The following RDH12 variants were observed in gnomAD, a reference collection of about 807,000 sequenced individuals.
RDH12 encodes retinol dehydrogenase 12.
Under a neutral mutation model 34.0 loss-of-function variants are expected in RDH12, and 21 were observed. That is an observed-to-expected ratio of 0.62 (90% CI 0.44 to 0.89). The LOEUF is 0.89. RDH12 is among the 40% of genes least tolerant of loss of function. The pLI is 0.00. For synonymous variants in RDH12, 198 were observed against 169.9 expected (o/e 1.17, Z -1.29); for missense variants, 394 against 398.6 (o/e 0.99, Z 0.10).
chr14:67,733,766 T>G lies in RDH12; in HGVS notation c.869T>G (p.Val290Gly), dbSNP rs61740289. 5.1e-5 allele frequency: 83 copies of G among 1,613,184 alleles called. No homozygotes were observed. The African/African-American group carries it at 1.0e-3, about 20-fold the overall frequency. Reference protein sequence around the residue: ...KYFSDCKRTWVSPRARNNKTA... With the variant: ...KYFSDCKRTWGSPRARNNKTA... ...TCCAGTGACTGCAAGAGGACCTGGG[T>G]GTCTCCAAGGGCCCGAAATAACAAA... The change falls in exon 9 of 9, where the codon GTG becomes GGG. Residue 290 changes from valine (V) to glycine (G), a missense_variant. Transcript: ENST00000551171.
At chr14:67,707,376 G>C (rs978136938) in intron 1 of RDH12, among the ~76,000 whole-genome samples, 1 of 152,122 alleles carries the variant, frequency 6.6e-6, no homozygotes, top group African/African-American at 2.4e-5. Flanking sequence ...ATTATGGTAG[G>C]ACTTGTTTGC....
intron 1 of RDH12, among the ~76,000 whole-genome samples, chr14:67,712,248 CT>C (rs80050581): frequency 0.12 from 18,824 of 152,110 alleles, 1,199 homozygotes; most frequent in Admixed American, 0.15. Flanking sequence ...AACTGGATCT[CT>C]GAGCTCTGGG....
chr14:67,709,879 C>T (rs1434435567), intron 1 of RDH12, among the ~76,000 whole-genome samples: 1 of 152,170 alleles, frequency 6.6e-6, no homozygotes, highest in Non-Finnish European at 1.5e-5. Context: ...CTAAGGAAAT[C>T]TCAAGCTGGA....
intron 1 of RDH12, among the ~76,000 whole-genome samples, chr14:67,709,941 A>T (rs1401538496): frequency 3.3e-5 from 5 of 152,206 alleles, no homozygotes; most frequent in Admixed American, 2.0e-4. Context: ...TCCTCTGCTC[A>T]CTGAGATAGA....
intron 1 of RDH12, chr14:67,706,004 G>A (rs2037946690): frequency 6.6e-6 from 1 of 152,220 alleles, no homozygotes; most frequent in African/African-American, 2.4e-5. Context: ...GGAGGATGAG[G>A]TAGAAAGATC....
chr14:67,702,515 A>G (rs1214127301), intron 1 of RDH12, among the ~76,000 whole-genome samples: 1 of 152,210 alleles, frequency 6.6e-6, no homozygotes, highest in East Asian at 1.9e-4. Flanking sequence ...CTGACCCTGT[A>G]AAATATTTAA....
At position 67,727,606 on chromosome 14, in the gene RDH12, T is replaced by C. The variant is rs1331211688; in HGVS notation, c.658+416T>C. 4.1e-5 allele frequency: 10 copies of C among 245,974 alleles called. No individual in the cohort carries two copies. The East Asian group carries it at 1.2e-3, about 29-fold the overall frequency. 15.2% of individuals were successfully genotyped at this position (245,974 alleles called of 1,614,324 possible). ...CAAGTGATTCTCCTGCATCAGCCTC[T>C]TGAGTAGTTGGGATTACAAGCACGC... is the stretch of plus-strand genomic sequence containing the variant. On this transcript the variant is annotated intron_variant, in intron 7 of 8. Coordinates refer to ENST00000551171, the MANE Select transcript of RDH12 (RefSeq NM_152443.3).
Position 67,725,141 on chromosome 14 carries a change from A to G in RDH12, c.230A>G (p.Glu77Gly). 1.2e-6 allele frequency: 2 copies of G among 1,614,042 alleles called. No individual in the cohort carries two copies. The highest frequency in any genetic ancestry group is 8.5e-7 in the Non-Finnish European group (1 of 1,179,994). ...GCCTGCAGAGATGTACTGAAGGGGG[A>G]GTCTGCTGCCAGTGAAATCCGAGTG... The part of the protein sequence containing the change: ...YIACRDVLKG[E>G]SAASEIRVDT... The change falls in exon 5 of 9, where the codon GAG (glutamate) becomes GGG (glycine). Residue 77 changes from glutamate to glycine, a missense_variant. Glu to Gly is a moderately conservative substitution (Grantham distance 98). Coordinates refer to ENST00000551171, the MANE Select transcript of RDH12 (RefSeq NM_152443.3).
chr14:67,720,619 A>T (rs1292911165), intron 1 of RDH12, among the ~76,000 whole-genome samples: 5 of 152,166 alleles, frequency 3.3e-5, no homozygotes, highest in African/African-American at 1.2e-4. Flanking sequence ...TCATATCTAA[A>T]TGCCCATGTG....
chr14:67,701,923 G>C lies in RDH12; in HGVS notation c.-287G>C, dbSNP rs962070552. 1 of 152,000 alleles carries C rather than the reference G, an allele frequency of 6.6e-6. No homozygotes were observed. The highest frequency in any genetic ancestry group is 2.4e-5 in the African/African-American group (1 of 41,336). 9.4% of individuals were successfully genotyped at this position (152,000 alleles called of 1,614,324 possible). A position where few individuals can be genotyped will look rare whatever the true frequency, so the allele number is the denominator to read the frequency against. On this transcript the variant is annotated 5_prime_UTR_variant, in exon 1 of 9. Transcript: ENST00000551171. ...TCCTCCCTTCTCAGCTTCCTGAGTG[G>C]CCAGGACTACAGGTAAGTGCCACCA... is the stretch of plus-strand genomic sequence containing the variant.
chr14:67,725,992 T>C, intron 5 of RDH12, 59 bp from the exon 6 acceptor site: 4 of 1,153,636 alleles, frequency 3.5e-6, no homozygotes, highest in Non-Finnish European at 5.3e-6. Flanking sequence ...TGCAGGTCTG[T>C]TACAGGCAGC....
rs898825354 is a variant in RDH12, at chr14:67,726,276, A to G, written c.448+121A>G. 2.4e-5 allele frequency: 18 copies of G among 740,414 alleles called. No homozygotes were observed. The Admixed American group carries it at 2.7e-4, about 11-fold the overall frequency. 45.9% of individuals were successfully genotyped at this position (740,414 alleles called of 1,614,324 possible). ...TCATAGAGCCTAGGAATTCCAATAG[A>G]CTAGACCCATTGGCTTGTTGTTCAC... On this transcript the variant is annotated intron_variant, in intron 6 of 8. Coordinates refer to ENST00000551171, the MANE Select transcript of RDH12 (RefSeq NM_152443.3).
chr14:67,703,990 A>T (rs1406508560), intron 1 of RDH12, among the ~76,000 whole-genome samples: 1 of 152,192 alleles, frequency 6.6e-6, no homozygotes, highest in Non-Finnish European at 1.5e-5. Flanking sequence ...GCATGTCTTA[A>T]TGTTTGAGAA....
chr14:67,733,207 C>G (rs1273280591), intron 8 of RDH12, among the ~76,000 whole-genome samples: 1 of 152,138 alleles, frequency 6.6e-6, no homozygotes, highest in Non-Finnish European at 1.5e-5. Context: ...CTCAGGGCCC[C>G]TGCTCATTCC....
chr14:67,725,104 C>T lies in RDH12; in HGVS notation c.193C>T (p.Arg65Ter), dbSNP rs778571042. 8.7e-6 allele frequency: 14 copies of T among 1,613,984 alleles called. No individual in the cohort carries two copies. Among genetic ancestry groups the T allele is most frequent in the African/African-American group, 2.7e-5 (2 of 74,868 alleles). ...TTTTTTTGTCTTGGACCCAGGAGCCCGAGTCTATATTGCCTGCAGAGATGT... is the reference window on the plus strand; with the variant it reads ...TTTTTTTGTCTTGGACCCAGGAGCCTGAGTCTATATTGCCTGCAGAGATGT... ...TARELASRGA[R>*]VYIACRDVLK... The change falls in exon 5 of 9, where the codon CGA becomes TGA. Residue 65 changes from arginine to a stop codon, truncating the protein, a stop_gained. Coordinates refer to ENST00000551171, the MANE Select transcript of RDH12 (RefSeq NM_152443.3). LOFTEE classifies it high-confidence loss of function.
Position 67,729,232 on chromosome 14 carries a change from C to A in RDH12, c.700C>A (p.Arg234Ser). Residue 234 changes from arginine to serine, a missense_variant, in exon 8 of 9, where the codon CGC becomes AGC. Physicochemically the swap from Arg to Ser is moderately radical, Grantham distance 110 (BLOSUM62 -1). Transcript: ENST00000551171. Reference protein sequence around the residue: ...TTYAVHPGVVRSELVRHSSLL... With the variant: ...TTYAVHPGVVSSELVRHSSLL... Reference sequence around the variant, plus strand: ...CTACGCAGTGCACCCAGGCGTCGTCCGCTCTGAGCTGGTCCGGCACTCCTC... The same window carrying A: ...CTACGCAGTGCACCCAGGCGTCGTCAGCTCTGAGCTGGTCCGGCACTCCTC... 5 of 1,611,396 alleles carry A rather than the reference C, an allele frequency of 3.1e-6. No individual in the cohort carries two copies. Among genetic ancestry groups the A allele is most frequent in the Non-Finnish European group, 3.4e-6 (4 of 1,180,008 alleles).
chr14:67,720,290 CTT>C (rs3039648), intron 1 of RDH12, among the ~76,000 whole-genome samples: 14,058 of 152,174 alleles, frequency 0.092, 668 homozygotes, highest in Middle Eastern at 0.2. Flanking sequence ...CAATTAGTCT[CTT>C]GTCTTCAAAG....
chr14:67,722,774 A>C, intron 3 of RDH12, 64 bp downstream of exon 3: 3 of 1,323,306 alleles, frequency 2.3e-6, no homozygotes, highest in African/African-American at 1.4e-5. Context: ...GCCGGTTCTC[A>C]GCTGCTGAAA....
chr14:67,726,786 C>T (rs1187292690), intron 6 of RDH12, among the ~76,000 whole-genome samples, 195 bp from the exon 7 acceptor site: 1 of 152,198 alleles, frequency 6.6e-6, no homozygotes, highest in Non-Finnish European at 1.5e-5. Context: ...GATTGCCTTA[C>T]TTGTAGTCTA....
Sources: gnomAD v4.1 joint callset for allele counts (sites outside exome capture counted in the v4.1 genomes callset) on GRCh38, gnomAD v4.1.1 for gene constraint, MANE v1.5 for transcripts, NCBI Gene and HGNC (gene_info 2026-07-23, HGNC 2026-07-21) for gene names.